The following TAFA1 variants were observed in gnomAD, a reference collection of about 807,000 sequenced individuals.
TAFA1 encodes the protein chemokine-like protein TAFA-1.
A neutral mutation model predicts 18.5 loss-of-function variants in TAFA1; 4 were observed. That is an observed-to-expected ratio of 0.22 (90% CI 0.11 to 0.49). TAFA1 has a LOEUF of 0.49. Among genes scored for constraint, TAFA1 ranks in the 20% least tolerant of loss-of-function variants. TAFA1 has a pLI of 0.98. For missense variants in TAFA1, 147 were observed against 169.0 expected (o/e 0.87, Z 0.72); for synonymous variants, 56 against 55.2 (o/e 1.01, Z -0.06).
chr3:68,183,987 C>T (rs950989972), intron 2 of TAFA1, among the ~76,000 whole-genome samples: 5 of 152,254 alleles, frequency 3.3e-5, no homozygotes, highest in African/African-American at 1.2e-4. Flanking sequence ...AGATATTCCC[C>T]TTCATTACGA....
intron 2 of TAFA1, among the ~76,000 whole-genome samples, chr3:68,022,890 T>G (rs574288606): frequency 2.7e-5 from 4 of 147,408 alleles, no homozygotes; most frequent in African/African-American, 9.9e-5. Context: ...GTGTTTACTA[T>G]GTGCCTGGCC....
At chr3:68,524,827 C>T (rs1029346722) in intron 3 of TAFA1, among the ~76,000 whole-genome samples, 20 of 152,026 alleles carry the variant, frequency 1.3e-4, no homozygotes, top group Non-Finnish European at 1.9e-4. Flanking sequence ...CCCGCCACCA[C>T]CCCCTGCTAA....
At chr3:68,352,341 G>A (rs1054561879) in intron 2 of TAFA1, among the ~76,000 whole-genome samples, 2 of 151,954 alleles carry the variant, frequency 1.3e-5, no homozygotes, top group Non-Finnish European at 2.9e-5. Context: ...GTAATTGAAG[G>A]CAATGGCTTA....
At chr3:68,268,645 G>T (rs2067595263) in intron 2 of TAFA1, among the ~76,000 whole-genome samples, 1 of 152,074 alleles carries the variant, frequency 6.6e-6, no homozygotes, top group African/African-American at 2.4e-5. Flanking sequence ...GGAAAACAGG[G>T]TCAAACGAAG....
chr3:68,335,432 C>A (rs1294027413), intron 2 of TAFA1, among the ~76,000 whole-genome samples: 1 of 151,508 alleles, frequency 6.6e-6, no homozygotes, highest in African/African-American at 2.4e-5. Context: ...ATACAGAGAT[C>A]AACTTTTCCA....
intron 2 of TAFA1, among the ~76,000 whole-genome samples, chr3:68,380,620 G>C (rs1179204818): frequency 6.6e-6 from 1 of 151,982 alleles, no homozygotes; most frequent in Non-Finnish European, 1.5e-5. Context: ...AGGGTTGTTT[G>C]TTTTTTTCTT....
At chr3:68,385,017 G>C (rs934183880) in intron 2 of TAFA1, among the ~76,000 whole-genome samples, 2 of 151,958 alleles carry the variant, frequency 1.3e-5, no homozygotes, top group East Asian at 3.9e-4. Flanking sequence ...TCATTGGCTT[G>C]TTGGATTATT....
chr3:68,239,162 G>A (rs2066967075), intron 2 of TAFA1, among the ~76,000 whole-genome samples: 1 of 152,088 alleles, frequency 6.6e-6, no homozygotes. Flanking sequence ...ACCTCAAATA[G>A]TAAGGAATCT....
At chr3:68,505,263 T>G (rs1019375939) in intron 3 of TAFA1, among the ~76,000 whole-genome samples, 5 of 152,192 alleles carry the variant, frequency 3.3e-5, no homozygotes, top group Non-Finnish European at 1.5e-5. Context: ...TAGTCACATA[T>G]GATGCAAGCT....
At chr3:68,536,046 A>G (rs929810800) in intron 3 of TAFA1, among the ~76,000 whole-genome samples, 2 of 152,162 alleles carry the variant, frequency 1.3e-5, no homozygotes, top group Admixed American at 6.6e-5. Flanking sequence ...TGTGATTGCT[A>G]TCTCATTTTA....
rs183884337 is a variant in TAFA1, at chr3:68,025,858, G to T, written c.118+19114G>T. 1.2e-3 allele frequency among the ~76,000 whole-genome samples: 183 copies of T among 152,086 alleles called. 1 individual carries two copies. The South Asian group carries it at 0.022, about 19-fold the overall frequency. On this transcript the variant is annotated intron_variant, in intron 2 of 4. Coordinates refer to ENST00000478136, the MANE Select transcript of TAFA1 (RefSeq NM_213609.4). ...AGAACTGCACATCTCCATTCTCCTGGTCTATTTTTGCAGTAGCATTTGCTG... is the reference window on the plus strand; with the variant it reads ...AGAACTGCACATCTCCATTCTCCTGTTCTATTTTTGCAGTAGCATTTGCTG...
At chr3:68,437,524 A>G (rs2106855479) in intron 3 of TAFA1, among the ~76,000 whole-genome samples, 1 of 152,260 alleles carries the variant, frequency 6.6e-6, no homozygotes, top group East Asian at 1.9e-4. Context: ...TGACTCTGTA[A>G]AGTCCCAAGG....
intron 3 of TAFA1, among the ~76,000 whole-genome samples, chr3:68,439,412 C>CACATATATATAT (rs1553690985): frequency 1.4e-5 from 1 of 73,462 alleles, no homozygotes; most frequent in Non-Finnish European, 2.4e-5. Flanking sequence ...TATATACATA[C>CACATATATATAT]ATATATATAT....
In TAFA1 at chr3:68,098,623, C is replaced by G. The variant is rs145046228; in HGVS notation, c.118+91879C>G. On this transcript the variant is annotated intron_variant, in intron 2 of 4. Coordinates refer to ENST00000478136, the MANE Select transcript of TAFA1 (RefSeq NM_213609.4). ...GGTGGTGGGCAGAGACGGACTTATG[C>G]AAATTATTCCAATGAAGGGTAGTAA... 5.0e-3 allele frequency among the ~76,000 whole-genome samples: 755 copies of G among 152,062 alleles called. 4 individuals carry two copies. The highest frequency in any genetic ancestry group is 9.2e-3 in the South Asian group (44 of 4,804).
chr3:68,311,899 T>C (rs936720265), intron 2 of TAFA1, among the ~76,000 whole-genome samples: 2 of 152,126 alleles, frequency 1.3e-5, no homozygotes, highest in African/African-American at 4.8e-5. Flanking sequence ...CTAGCAGAGG[T>C]TCTCCATGAG....
chr3:68,535,051 G>A (rs2073254428), intron 3 of TAFA1, among the ~76,000 whole-genome samples: 1 of 152,080 alleles, frequency 6.6e-6, no homozygotes, highest in Admixed American at 6.6e-5. Context: ...TTAGATTCAG[G>A]GCAACAATAT....
intron 3 of TAFA1, among the ~76,000 whole-genome samples, chr3:68,440,585 T>A (rs2071358533): frequency 6.6e-6 from 1 of 152,186 alleles, no homozygotes; most frequent in Non-Finnish European, 1.5e-5. Flanking sequence ...CATTCTGTAT[T>A]CCCTTTGCCT....
intron 3 of TAFA1, among the ~76,000 whole-genome samples, chr3:68,476,491 C>G (rs982902896): frequency 1.3e-5 from 2 of 152,152 alleles, no homozygotes; most frequent in African/African-American, 4.8e-5. Context: ...GTTTAACCAC[C>G]TGAAATTTTA....
chr3:68,395,693 A>C (rs374520343), intron 2 of TAFA1, among the ~76,000 whole-genome samples: 5 of 152,192 alleles, frequency 3.3e-5, no homozygotes, highest in African/African-American at 4.8e-5. Flanking sequence ...ATTCTCAGCA[A>C]ACTAACACAG....
Sources: gnomAD v4.1 joint callset for allele counts (sites outside exome capture counted in the v4.1 genomes callset) on GRCh38, gnomAD v4.1.1 for gene constraint, MANE v1.5 for transcripts, NCBI Gene and HGNC (gene_info 2026-07-23, HGNC 2026-07-21) for gene names.